Variants in PSMD1 observed in about 807,000 individuals in gnomAD.
PSMD1 encodes the protein proteasome 26S subunit, non-ATPase 1.
PSMD1 carries 18 observed loss-of-function variants against 119.0 expected under a neutral mutation model. That is an observed-to-expected ratio of 0.15 (90% CI 0.10 to 0.22). The LOEUF (loss-of-function observed/expected upper bound fraction) is 0.22, where lower values mean the gene tolerates loss of function less well. Ranked by LOEUF, PSMD1 falls within the 10% of genes least tolerant of loss-of-function variation. The pLI, the probability that PSMD1 is intolerant of heterozygous loss-of-function variation, is 1.00. For synonymous variants in PSMD1, 374 were observed against 396.6 expected, an observed-to-expected ratio of 0.94 and a Z score of 0.68; for missense variants, 702 against 1,158.5, an observed-to-expected ratio of 0.61 and a Z score of 5.72.
intron 16 of PSMD1, chr2:231,114,046 C>G: frequency 1.3e-6 from 1 of 774,812 alleles, no homozygotes; most frequent in Non-Finnish European, 2.3e-6. Context: ...AATTTTATAA[C>G]TTTAACAACA....
At chr2:231,057,186 G>C (rs1472934055) in intron 1 of PSMD1, 145 bp downstream of exon 1, 42 of 1,048,568 alleles carry the variant, frequency 4.0e-5, no homozygotes, top group Non-Finnish European at 4.6e-5. Flanking sequence ...CCCCGGGCCG[G>C]GGGGCTGGGA....
chr2:231,078,586 G>T, intron 9 of PSMD1, 73 bp from the exon 10 acceptor site: 3 of 1,060,878 alleles, frequency 2.8e-6, no homozygotes, highest in South Asian at 3.5e-5. Context: ...TAGGACCTCT[G>T]ACTGTGTGTG....
intron 16 of PSMD1, among the ~76,000 whole-genome samples, chr2:231,118,188 G>A (rs1463556211): frequency 3.3e-5 from 5 of 152,026 alleles, no homozygotes; most frequent in Admixed American, 1.3e-4. Context: ...AAATACATGT[G>A]AAGTGTTTAG....
intron 17 of PSMD1, among the ~76,000 whole-genome samples, chr2:231,143,252 CAG>C (rs2125251591): frequency 6.7e-6 from 1 of 150,024 alleles, no homozygotes; most frequent in South Asian, 2.1e-4. Context: ...TGGTTTAAGA[CAG>C]AGTCTTGCTC....
intron 16 of PSMD1, among the ~76,000 whole-genome samples, chr2:231,135,316 AT>A (rs1313878140): frequency 2.6e-5 from 4 of 152,154 alleles, no homozygotes; most frequent in Admixed American, 6.5e-5. Context: ...ATAGGCATTG[AT>A]TTAAACCTAT....
chr2:231,139,118 G>T (rs181652511), intron 17 of PSMD1: 69 of 462,516 alleles, frequency 1.5e-4, no homozygotes, highest in African/African-American at 1.3e-3. Context: ...TGGGTTTTTT[G>T]TTTTTGTTTT....
At chr2:231,110,732 T>G (rs1695130246) in intron 16 of PSMD1, among the ~76,000 whole-genome samples, 1 of 152,268 alleles carries the variant, frequency 6.6e-6, no homozygotes, top group Admixed American at 6.5e-5. Context: ...TACTACAGTT[T>G]GAGGACCATT....
intron 16 of PSMD1, among the ~76,000 whole-genome samples, chr2:231,101,541 G>C (rs770085928): frequency 1.3e-5 from 2 of 152,224 alleles, no homozygotes; most frequent in Admixed American, 6.5e-5. Context: ...AGAGTTAAGA[G>C]AGGATTGACT....
chr2:231,115,816 G>C (rs956140358), intron 16 of PSMD1, among the ~76,000 whole-genome samples: 2 of 152,154 alleles, frequency 1.3e-5, no homozygotes, highest in Non-Finnish European at 2.9e-5. Flanking sequence ...GTGAGGATCG[G>C]CATCACCTGG....
At chr2:231,163,247 T>C (rs1696682454) in intron 20 of PSMD1, 1 of 164,404 alleles carries the variant, frequency 6.1e-6, no homozygotes, top group Non-Finnish European at 1.3e-5. Context: ...GTATTCAGGC[T>C]AGTGTAAGTT....
intron 11 of PSMD1, 52 bp downstream of exon 11, chr2:231,079,666 T>C (rs1694257656): frequency 1.7e-6 from 2 of 1,174,770 alleles, no homozygotes; most frequent in African/African-American, 1.6e-5. Context: ...GTAATTTTTC[T>C]GGGGTTAAGA....
intron 19 of PSMD1, among the ~76,000 whole-genome samples, chr2:231,154,081 C>T (rs1449879633): frequency 6.6e-6 from 1 of 151,664 alleles, no homozygotes; most frequent in African/African-American, 2.4e-5. Flanking sequence ...CCATTGCACT[C>T]CAGCCGGGGC....
chr2:231,136,789 A>G (rs1297053371), intron 16 of PSMD1, among the ~76,000 whole-genome samples: 1 of 151,598 alleles, frequency 6.6e-6, no homozygotes, highest in South Asian at 2.1e-4. Flanking sequence ...CATTTGTCCA[A>G]TTCTTCCAAT....
chr2:231,116,983 T>C (rs1463106613), intron 16 of PSMD1, among the ~76,000 whole-genome samples: 1 of 152,004 alleles, frequency 6.6e-6, no homozygotes, highest in Admixed American at 6.5e-5. Context: ...AAAAAGAGGC[T>C]TTTTTAAATG....
At chr2:231,093,022 C>CT (rs1011600056) in intron 16 of PSMD1, among the ~76,000 whole-genome samples, 1 of 152,164 alleles carries the variant, frequency 6.6e-6, no homozygotes, top group African/African-American at 2.4e-5. Flanking sequence ...AGGGACCCCA[C>CT]TGGGGGTAAG....
At position 231,066,927 on chromosome 2, in the gene PSMD1, C is replaced by A; in HGVS notation, c.326C>A (p.Thr109Asn). Residue 109 changes from threonine to asparagine, a missense_variant, in exon 5 of 25, where the codon ACC becomes AAC. Thr to Asn is a moderately conservative substitution (Grantham distance 65, BLOSUM62 0). Around this residue, in one of 9 missense-constraint regions of PSMD1, gnomAD observed 50 missense variants for 41.8 expected, o/e 1.20. Transcript: ENST00000308696. ...TIIAKCIDHY[T>N]KQCVENADLP... ...ACAGCAAAATGCATTGATCACTACA[C>A]CAAACAATGTGTGGAAAATGCAGAT... The A allele has an allele frequency of 6.2e-7, 1 of 1,610,050 alleles. No individual in the cohort carries two copies. Among genetic ancestry groups the A allele is most frequent in the Non-Finnish European group, 8.5e-7 (1 of 1,178,220 alleles).
chr2:231,075,655 C>T, intron 8 of PSMD1, 84 bp downstream of exon 8: 3 of 1,211,014 alleles, frequency 2.5e-6, no homozygotes, highest in Middle Eastern at 2.6e-4. Flanking sequence ...TCTCGGCTCA[C>T]TACAACCTCT....
intron 9 of PSMD1, 87 bp downstream of exon 9, chr2:231,077,249 A>G (rs534113750): frequency 6.9e-4 from 682 of 993,892 alleles, no homozygotes; most frequent in Non-Finnish European, 8.5e-4. Context: ...CTTGTTGGAT[A>G]CTTTCTTTAT....
intron 23 of PSMD1, among the ~76,000 whole-genome samples, chr2:231,169,993 T>C (rs953290197): frequency 6.6e-6 from 1 of 152,212 alleles, no homozygotes; most frequent in African/African-American, 2.4e-5. Flanking sequence ...ATTCTGAAAT[T>C]GCTGGAGAAA....
Sources: allele counts gnomAD v4.1 joint callset (sites outside exome capture counted in the v4.1 genomes callset), GRCh38; gene constraint gnomAD v4.1.1; regional missense constraint gnomAD v4.1.1; transcripts MANE v1.5; gene names NCBI Gene and HGNC (gene_info 2026-07-23, HGNC 2026-07-21).